Variants in PIKFYVE observed in about 807,000 individuals in gnomAD.
PIKFYVE encodes phosphoinositide kinase, FYVE-type zinc finger containing.
Under a neutral mutation model 257.9 loss-of-function variants are expected in PIKFYVE, and 122 were observed. The observed-to-expected ratio is 0.47, with a 90% CI of 0.41 to 0.55. The LOEUF is 0.55. PIKFYVE is among the 20% of genes least tolerant of loss of function. PIKFYVE has a pLI of 0.00. For synonymous variants in PIKFYVE, 892 were observed against 868.9 expected (o/e 1.03, Z -0.47); for missense variants, 2,160 against 2,536.6 (o/e 0.85, Z 3.19).
intron 29 of PIKFYVE, 69 bp downstream of exon 29, chr2:208,338,637 TA>T (rs1698405006): frequency 6.6e-7 from 1 of 1,511,270 alleles, no homozygotes; most frequent in African/African-American, 1.4e-5. Flanking sequence ...TAAGTTGTTT[TA>T]AACTGTTTGA....
At chr2:208,324,653 A>G (rs1252314357) in intron 18 of PIKFYVE, among the ~76,000 whole-genome samples, 1 of 152,152 alleles carries the variant, frequency 6.6e-6, no homozygotes, top group Non-Finnish European at 1.5e-5. Context: ...TTTTCTCCCC[A>G]CATTATCTTG....
At position 208,352,777 on chromosome 2, in the gene PIKFYVE, G is replaced by T. The variant is rs1448051151; in HGVS notation, c.5839G>T (p.Ala1947Ser). ...MENLFYGRKM[A>S]QVFDLKGSLR... ...AAATCTTTTCTACGGGAGAAAGATG[G>T]CACAGGTAAGGGTATTGGACTATGT... The change falls in exon 39 of 42, where the codon GCA becomes TCA. Residue 1947 changes from alanine (A) to serine (S), a missense_variant. Ala to Ser is a moderately conservative substitution (Grantham distance 99). This residue lies in a region of PIKFYVE where 699 missense variants were observed against 855.8 expected (regional missense o/e 0.82). Coordinates refer to ENST00000264380, the MANE Select transcript of PIKFYVE (RefSeq NM_015040.4). 2 of 1,612,932 alleles carry T rather than the reference G, an allele frequency of 1.2e-6. No individual in the cohort carries two copies. Among genetic ancestry groups the T allele is most frequent in the Non-Finnish European group, 8.5e-7 (1 of 1,179,474 alleles).
intron 2 of PIKFYVE, among the ~76,000 whole-genome samples, chr2:208,272,608 G>A (rs1689573722): frequency 6.6e-6 from 1 of 152,002 alleles, no homozygotes; most frequent in Non-Finnish European, 1.5e-5. Context: ...TATATCTTTT[G>A]TCTTTTGTTT....
chr2:208,338,532 C>G lies in PIKFYVE; in HGVS notation c.4636C>G (p.Arg1546Gly). ...GATAAGTGCGATGGATGCATCTCCA[C>G]GGAATATTTCTCCAGGACTTCAGAA... ...SKISAMDASP[R>G]NISPGLQNGE... Residue 1546 changes from arginine to glycine, a missense_variant, in exon 29 of 42, where the codon CGG becomes GGG. Coordinates refer to ENST00000264380, the MANE Select transcript of PIKFYVE (RefSeq NM_015040.4). The G allele has an allele frequency of 6.2e-7, 1 of 1,613,374 alleles. No individual in the cohort carries two copies. The highest frequency in any genetic ancestry group is 8.5e-7 in the Non-Finnish European group (1 of 1,179,458).
intron 5 of PIKFYVE, among the ~76,000 whole-genome samples, chr2:208,284,032 A>G (rs1691201319): frequency 6.6e-6 from 1 of 152,242 alleles, no homozygotes; most frequent in East Asian, 1.9e-4. Context: ...GTTTTCTAAT[A>G]TTAGTGGGAA....
Position 208,302,372 on chromosome 2 carries a change from T to A in PIKFYVE, c.1320+19T>A. 1 of 1,578,730 alleles carries A rather than the reference T, an allele frequency of 6.3e-7. No individual in the cohort carries two copies. The highest frequency in any genetic ancestry group is 8.7e-7 in the Non-Finnish European group (1 of 1,148,010). Reference sequence around the variant, plus strand: ...ACTGCAGGTACTTTTCAGTGTTTACTGCCAATTAGAATGTAGCAAGCTTAT... The same window carrying A: ...ACTGCAGGTACTTTTCAGTGTTTACAGCCAATTAGAATGTAGCAAGCTTAT... On this transcript the variant is annotated intron_variant, in intron 10 of 41. Transcript: ENST00000264380.
intron 36 of PIKFYVE, among the ~76,000 whole-genome samples, chr2:208,350,557 AGTAT>A (rs1377519920): frequency 6.6e-6 from 1 of 151,986 alleles, no homozygotes; most frequent in Non-Finnish European, 1.5e-5. Flanking sequence ...TTTTTTGGAA[AGTAT>A]GTAAGGATGG....
chr2:208,322,701 A>ATT (rs33914706), intron 17 of PIKFYVE, among the ~76,000 whole-genome samples: 17 of 150,234 alleles, frequency 1.1e-4, no homozygotes, highest in African/African-American at 1.5e-4. Context: ...ATATATATAT[A>ATT]TTTTTTTTAT....
At chr2:208,320,424 T>A (rs41304171) in intron 17 of PIKFYVE, 65 bp downstream of exon 17, 2 of 1,580,348 alleles carry the variant, frequency 1.3e-6, no homozygotes, top group African/African-American at 1.3e-5. Flanking sequence ...GCTTATAAAC[T>A]CTTAATGATT....
intron 6 of PIKFYVE, among the ~76,000 whole-genome samples, chr2:208,286,373 T>C (rs1369986013): frequency 6.6e-6 from 1 of 152,230 alleles, no homozygotes; most frequent in Non-Finnish European, 1.5e-5. Context: ...TTTTTTTTCC[T>C]TCTGAAGGTA....
intron 3 of PIKFYVE, among the ~76,000 whole-genome samples, chr2:208,274,932 C>A (rs551614395): frequency 4.6e-5 from 7 of 152,284 alleles, no homozygotes; most frequent in African/African-American, 1.4e-4. Context: ...TTAGGAGTTA[C>A]AAATTGGCAG....
chr2:208,308,882 A>G (rs2125404400), intron 12 of PIKFYVE, among the ~76,000 whole-genome samples: 1 of 151,984 alleles, frequency 6.6e-6, no homozygotes, highest in African/African-American at 2.4e-5. Flanking sequence ...TAATTTTTGT[A>G]TTTTTAGTAG....
chr2:208,335,805 A>G lies in PIKFYVE; in HGVS notation c.4269A>G (p.Val1423=), dbSNP rs1255464485. The part of the protein sequence containing the change: ...LKDFFQKVSQ[V]YVAIDERLAS... ...TCGCTATTGTTAGAGTTTCACAGGT[A>G]TATGTTGCCATTGATGAAAGACTTG... Residue 1423 remains valine (V), a synonymous_variant, in exon 26 of 42, where the codon GTA becomes GTG. Coordinates refer to ENST00000264380, the MANE Select transcript of PIKFYVE (RefSeq NM_015040.4). 1.2e-6 allele frequency: 2 copies of G among 1,611,044 alleles called. No homozygotes were observed. Among genetic ancestry groups the G allele is most frequent in the Non-Finnish European group, 1.7e-6 (2 of 1,177,428 alleles).
chr2:208,300,834 A>G (rs1007908746), intron 8 of PIKFYVE, 103 bp from the exon 9 acceptor site: 10 of 1,429,866 alleles, frequency 7.0e-6, no homozygotes, highest in Non-Finnish European at 1.9e-6. Context: ...AAAGAAATCC[A>G]AGTTAGGTTT....
rs1383437209 is a variant in PIKFYVE, at chr2:208,335,426, TCA to T, written c.4256+8_4256+9del. On this transcript the variant is annotated splice_region_variant and intron_variant, in intron 25 of 41. Transcript: ENST00000264380. ...TGAAGGACTTCTTTCAAAAGTAAGT[TCA>T]GTTTCTTTTATCATCTTTTTTTGTT... is the stretch of plus-strand genomic sequence containing the variant. 3.3e-6 allele frequency: 5 copies of T among 1,525,758 alleles called. No homozygotes were observed. The highest frequency in any genetic ancestry group is 1.1e-5 in the South Asian group (1 of 89,066). 94.5% of individuals were successfully genotyped at this position (1,525,758 alleles called of 1,614,324 possible). A position where few individuals can be genotyped will look rare whatever the true frequency, so the allele number is the denominator to read the frequency against.
At chr2:208,328,408 G>C in intron 21 of PIKFYVE, 128 bp downstream of exon 21, 5 of 1,094,528 alleles carry the variant, frequency 4.6e-6, no homozygotes, top group Non-Finnish European at 6.7e-6. Context: ...GGTCATATAT[G>C]AATTGATAGA....
Position 208,325,266 on chromosome 2 carries a change from G to A in PIKFYVE, c.2459-4G>A. The A allele has an allele frequency of 1.2e-6, 2 of 1,613,116 alleles. No homozygotes were observed. The highest frequency in any genetic ancestry group is 1.7e-6 in the Non-Finnish European group (2 of 1,179,532). ...CTTAACTTTCTGTTTGTTTTTGTTTGTAGAACAAACCAAGACACTGATGTT... is the reference window on the plus strand; with the variant it reads ...CTTAACTTTCTGTTTGTTTTTGTTTATAGAACAAACCAAGACACTGATGTT... On this transcript the variant is annotated splice_region_variant and splice_polypyrimidine_tract_variant and intron_variant, in intron 19 of 41. Coordinates refer to ENST00000264380, the MANE Select transcript of PIKFYVE (RefSeq NM_015040.4).
At chr2:208,285,450 A>G (rs1691440885) in intron 5 of PIKFYVE, among the ~76,000 whole-genome samples, 1 of 152,126 alleles carries the variant, frequency 6.6e-6, no homozygotes, top group South Asian at 2.1e-4. Context: ...GGACACCTGG[A>G]TGAATTTATC....
intron 17 of PIKFYVE, among the ~76,000 whole-genome samples, chr2:208,323,031 T>A (rs1025274507): frequency 5.3e-5 from 8 of 151,752 alleles, no homozygotes; most frequent in African/African-American, 1.9e-4. Context: ...GAACTCATCC[T>A]TTTTTATGGC....
Sources: allele counts gnomAD v4.1 joint callset (sites outside exome capture counted in the v4.1 genomes callset), GRCh38; gene constraint gnomAD v4.1.1; regional missense constraint gnomAD v4.1.1; transcripts MANE v1.5; gene names NCBI Gene and HGNC (gene_info 2026-07-23, HGNC 2026-07-21).